SYT9: variants seen among roughly 807,000 people sequenced by gnomAD.
SYT9 encodes the protein synaptotagmin-9.
SYT9 carries 22 observed loss-of-function variants against 48.4 expected under a neutral mutation model. That is an observed-to-expected ratio of 0.45 (90% confidence interval 0.32 to 0.65). The LOEUF (loss-of-function observed/expected upper bound fraction) is 0.65. Among genes scored for constraint, SYT9 ranks in the 30% least tolerant of loss-of-function variants. SYT9 has a pLI of 0.03. For synonymous variants in SYT9, 265 were observed against 245.0 expected, an observed-to-expected ratio of 1.08 and a Z score of -0.76; for missense variants, 577 against 622.0, an observed-to-expected ratio of 0.93 and a Z score of 0.77.
chr11:7,379,492 T>C (rs1157887729), intron 3 of SYT9, among the ~76,000 whole-genome samples: 1 of 152,150 alleles, frequency 6.6e-6, no homozygotes, highest in Admixed American at 6.6e-5. Context: ...CCAAACAGAT[T>C]GTGGTTTTAG....
intron 1 of SYT9, among the ~76,000 whole-genome samples, chr11:7,265,105 G>A (rs1047554945): frequency 2.6e-5 from 4 of 152,238 alleles, no homozygotes; most frequent in South Asian, 2.1e-4. Flanking sequence ...TTAGTACAAT[G>A]ATATGAAATA....
chr11:7,250,595 C>CT (rs1394963982), upstream of SYT9, among the ~76,000 whole-genome samples: 1 of 152,138 alleles, frequency 6.6e-6, no homozygotes, highest in African/African-American at 2.4e-5. Flanking sequence ...TCTCCTCCCT[C>CT]TGTTTGTCTC....
intron 2 of SYT9, among the ~76,000 whole-genome samples, chr11:7,306,874 A>G (rs1849042815): frequency 6.6e-6 from 1 of 152,134 alleles, no homozygotes; most frequent in Non-Finnish European, 1.5e-5. Context: ...CTCAGAGACC[A>G]CATCTGTTTT....
At chr11:7,379,609 G>A (rs1850522435) in intron 3 of SYT9, among the ~76,000 whole-genome samples, 1 of 152,088 alleles carries the variant, frequency 6.6e-6, no homozygotes, top group Admixed American at 6.6e-5. Context: ...CTGTGTGACT[G>A]ACACCCCTCC....
intron 3 of SYT9, among the ~76,000 whole-genome samples, chr11:7,322,824 T>G (rs1849361029): frequency 6.6e-6 from 1 of 152,130 alleles, no homozygotes; most frequent in African/African-American, 2.4e-5. Context: ...CCTAAGAGAT[T>G]ATCTGTATAC....
chr11:7,458,518 A>C (rs1240557427), intron 6 of SYT9, among the ~76,000 whole-genome samples: 1 of 152,190 alleles, frequency 6.6e-6, no homozygotes, highest in Non-Finnish European at 1.5e-5. Context: ...TAATAGAGCA[A>C]GCAATGGGGA....
rs892470896 is a variant in SYT9 at position 7,394,661 on chromosome 11, G to C, written c.1045-21381G>C. ...TTCATTGATCATCTGTATGTTTTTT[G>C]GCAGTCTCAAGTTTTTTTTAGTTCT... On this transcript the variant is annotated intron_variant, in intron 3 of 6. Coordinates refer to ENST00000318881, the MANE Select transcript of SYT9 (RefSeq NM_175733.4). Among the ~76,000 whole-genome samples the C allele has an allele frequency of 6.6e-5, 10 of 151,148 alleles. No homozygotes were observed. In the East Asian group the frequency reaches 9.7e-4, roughly 15 times the overall value.
chr11:7,454,222 C>T (rs4758186), intron 6 of SYT9: 2 of 984,960 alleles, frequency 2.0e-6, no homozygotes, highest in Admixed American at 6.2e-5. Context: ...TGAGTCCCCA[C>T]CCTTTCTCTC....
chr11:7,402,733 T>A (rs1199538008), intron 3 of SYT9, among the ~76,000 whole-genome samples: 1 of 152,132 alleles, frequency 6.6e-6, no homozygotes, highest in African/African-American at 2.4e-5. Context: ...TTAAGTAGGT[T>A]TTTTGTAGAC....
intron 3 of SYT9, among the ~76,000 whole-genome samples, chr11:7,382,068 A>C (rs1415189057): frequency 6.6e-6 from 1 of 152,170 alleles, no homozygotes; most frequent in African/African-American, 2.4e-5. Context: ...GGAAGCCCAG[A>C]CTCAGAGTCA....
At chr11:7,270,812 GT>G (rs1417397648) in intron 1 of SYT9, among the ~76,000 whole-genome samples, 1 of 145,278 alleles carries the variant, frequency 6.9e-6, no homozygotes, top group African/African-American at 2.6e-5. Context: ...TGACTTTGAT[GT>G]TTAGATGCAC....
intron 3 of SYT9, among the ~76,000 whole-genome samples, chr11:7,357,021 A>G (rs747517828): frequency 3.9e-5 from 6 of 152,216 alleles, no homozygotes; most frequent in Non-Finnish European, 8.8e-5. Context: ...CAAAGGGGTA[A>G]AATCTGGTAT....
Position 7,416,023 on chromosome 11 carries a change from G to A in SYT9, c.1045-19G>A. 6.2e-7 allele frequency: 1 copy of A among 1,614,040 alleles called. No homozygotes were observed. The highest frequency in any genetic ancestry group is 8.5e-7 in the Non-Finnish European group (1 of 1,179,958). On this transcript the variant is annotated intron_variant, in intron 3 of 6. Coordinates refer to ENST00000318881, the MANE Select transcript of SYT9 (RefSeq NM_175733.4). ...GCTGGAGACACTTTCTAATACTTTA[G>A]TTTGTGCTTTCTCAACAGGACAACG...
chr11:7,339,308 G>A (rs745972187), intron 3 of SYT9, among the ~76,000 whole-genome samples: 63 of 151,950 alleles, frequency 4.1e-4, no homozygotes, highest in South Asian at 1.0e-3. Context: ...TTTATCCAGC[G>A]TGCCATTCTG....
chr11:7,339,840 T>C (rs1849685213), intron 3 of SYT9, among the ~76,000 whole-genome samples: 1 of 152,226 alleles, frequency 6.6e-6, no homozygotes, highest in African/African-American at 2.4e-5. Flanking sequence ...ATCTTGGAGA[T>C]GATCTTCTTG....
At chr11:7,328,960 C>T (rs947731234) in intron 3 of SYT9, among the ~76,000 whole-genome samples, 7 of 152,176 alleles carry the variant, frequency 4.6e-5, no homozygotes, top group African/African-American at 1.7e-4. Context: ...ATGTGTAACA[C>T]TCTTTTCTCT....
At chr11:7,352,120 AAT>A (rs1052896700) in intron 3 of SYT9, among the ~76,000 whole-genome samples, 2 of 152,182 alleles carry the variant, frequency 1.3e-5, no homozygotes, top group African/African-American at 4.8e-5. Context: ...GGGCTTGGGA[AAT>A]ATATGTGTTT....
chr11:7,398,346 T>G (rs1564889648), intron 3 of SYT9, among the ~76,000 whole-genome samples: 1 of 152,152 alleles, frequency 6.6e-6, no homozygotes, highest in Non-Finnish European at 1.5e-5. Context: ...GAGTTTAGTT[T>G]GCTAAAATGT....
At chr11:7,348,804 T>C (rs1055366541) in intron 3 of SYT9, among the ~76,000 whole-genome samples, 1 of 151,608 alleles carries the variant, frequency 6.6e-6, no homozygotes, top group African/African-American at 2.4e-5. Flanking sequence ...CTCTTAGATT[T>C]CATATCCAGT....
Sources: gnomAD v4.1 joint callset for allele counts (sites outside exome capture counted in the v4.1 genomes callset) on GRCh38, gnomAD v4.1.1 for gene constraint, MANE v1.5 for transcripts, NCBI Gene and HGNC (gene_info 2026-07-23, HGNC 2026-07-21) for gene names.